The following RABGAP1L variants were observed in gnomAD, a reference collection of about 807,000 sequenced individuals.
The protein encoded by RABGAP1L is RAB GTPase activating protein 1 like.
Under a neutral mutation model 137.7 loss-of-function variants are expected in RABGAP1L, and 63 were observed. The ratio of observed to expected loss-of-function variants is 0.46; its 90% CI spans 0.37 to 0.56. RABGAP1L has a LOEUF of 0.56. Among genes scored for constraint, RABGAP1L ranks in the 20% least tolerant of loss-of-function variants. RABGAP1L has a pLI of 0.00. For missense variants in RABGAP1L, 1,095 were observed against 1,244.0 expected, an observed-to-expected ratio of 0.88 and a Z score of 1.80; for synonymous variants, 431 against 433.7, an observed-to-expected ratio of 0.99 and a Z score of 0.08.
At chr1:174,417,240 C>A (rs889286783) in intron 13 of RABGAP1L, among the ~76,000 whole-genome samples, 1 of 152,126 alleles carries the variant, frequency 6.6e-6, no homozygotes, top group Admixed American at 6.5e-5. Flanking sequence ...ATACTCTGAG[C>A]ATATTTTTAT....
At chr1:174,723,110 T>G (rs1235868945) in intron 17 of RABGAP1L, among the ~76,000 whole-genome samples, 1 of 152,152 alleles carries the variant, frequency 6.6e-6, no homozygotes, top group Non-Finnish European at 1.5e-5. Flanking sequence ...TTTTCGCTCT[T>G]GTTGCCCAGG....
intron 13 of RABGAP1L, among the ~76,000 whole-genome samples, chr1:174,500,286 G>A (rs187074577): frequency 7.9e-5 from 12 of 152,152 alleles, no homozygotes; most frequent in African/African-American, 2.6e-4. Context: ...TACCACATTG[G>A]CCAGGGTGGT....
At chr1:174,429,815 A>G (rs2149192458) in intron 13 of RABGAP1L, among the ~76,000 whole-genome samples, 1 of 152,260 alleles carries the variant, frequency 6.6e-6, no homozygotes, top group African/African-American at 2.4e-5. Context: ...CATAGAGGGT[A>G]TAAATAAAGC....
rs1179191960 is a variant in RABGAP1L at position 174,877,315 on chromosome 1, C to A, written c.2340+65355C>A. The A allele has an allele frequency of 4.0e-6, 5 of 1,254,192 alleles. No individual in the cohort carries two copies. The African/African-American group carries it at 6.0e-5, about 15-fold the overall frequency. 77.7% of individuals were successfully genotyped at this position (1,254,192 alleles called of 1,614,324 possible). A position where few individuals can be genotyped will look rare whatever the true frequency, so the allele number is the denominator to read the frequency against. ...ACTGGGGGTGAATTGCTAGCCAAGC[C>A]TGTGATAGCAGCCGCTTTTTTTTTC... On this transcript the variant is annotated intron_variant, in intron 19 of 25. Transcript: ENST00000681986.
chr1:174,200,048 G>A (rs1199530032), intron 1 of RABGAP1L, among the ~76,000 whole-genome samples: 2 of 152,158 alleles, frequency 1.3e-5, no homozygotes, highest in African/African-American at 4.8e-5. Context: ...TAAGATTTGA[G>A]ATTTTCGTAA....
chr1:174,369,406 G>GT (rs1460677553), intron 11 of RABGAP1L, among the ~76,000 whole-genome samples: 1 of 152,078 alleles, frequency 6.6e-6, no homozygotes, highest in Non-Finnish European at 1.5e-5. Context: ...GCCCAGGCTG[G>GT]TCTCAAACCC....
chr1:174,204,061 G>C (rs1285073379), intron 1 of RABGAP1L, among the ~76,000 whole-genome samples: 1 of 151,232 alleles, frequency 6.6e-6, no homozygotes, highest in Admixed American at 6.6e-5. Context: ...AAGTGTTCTT[G>C]TGTGTCAACC....
chr1:174,699,688 T>TGTTGA (rs1679506618), intron 16 of RABGAP1L, 38 bp downstream of exon 16: 2 of 1,545,296 alleles, frequency 1.3e-6, no homozygotes, highest in Non-Finnish European at 1.8e-6. Flanking sequence ...CTCAGGGATT[T>TGTTGA]GTTGAGTCAT....
chr1:174,611,715 A>T (rs1307301779), intron 13 of RABGAP1L, among the ~76,000 whole-genome samples: 1 of 151,490 alleles, frequency 6.6e-6, no homozygotes, highest in Non-Finnish European at 1.5e-5. Flanking sequence ...ATTTGTTTGT[A>T]TCCTCTTTTA....
chr1:174,308,647 T>C (rs1678531053), intron 11 of RABGAP1L, among the ~76,000 whole-genome samples: 1 of 152,116 alleles, frequency 6.6e-6, no homozygotes. Flanking sequence ...TCTTTCCCCA[T>C]TGTATGTTCT....
chr1:174,480,566 C>T (rs1658978570), intron 13 of RABGAP1L, among the ~76,000 whole-genome samples: 1 of 152,216 alleles, frequency 6.6e-6, no homozygotes, highest in African/African-American at 2.4e-5. Context: ...GAGCAAGCTT[C>T]TTTATGCTAT....
At chr1:174,873,109 C>G (rs970911191) in intron 19 of RABGAP1L, among the ~76,000 whole-genome samples, 9 of 152,268 alleles carry the variant, frequency 5.9e-5, no homozygotes, top group Middle Eastern at 3.4e-3. Flanking sequence ...TGCTCTGTCG[C>G]CCAGGCTGGA....
At chr1:174,693,935 C>A (rs1679058529) in intron 15 of RABGAP1L, among the ~76,000 whole-genome samples, 1 of 152,166 alleles carries the variant, frequency 6.6e-6, no homozygotes, top group African/African-American at 2.4e-5. Flanking sequence ...TACATATATT[C>A]AGTCTGCCCT....
Position 174,570,780 on chromosome 1 carries a change from A to G in RABGAP1L, c.1711-66595A>G, listed in dbSNP as rs139597536. 7.2e-3 allele frequency among the ~76,000 whole-genome samples: 1,091 copies of G among 152,324 alleles called. 11 individuals are homozygous for G. Among genetic ancestry groups the G allele is most frequent in the African/African-American group, 0.025 (1,040 of 41,580 alleles). On this transcript the variant is annotated intron_variant, in intron 13 of 25. Transcript: ENST00000681986. ...AAAAAGTCAGGCAATACCCAATGCT[A>G]GCAAGGATGTGGAGAAAAGAGAACC...
intron 17 of RABGAP1L, among the ~76,000 whole-genome samples, chr1:174,718,171 T>C (rs1308461532): frequency 1.3e-5 from 2 of 152,358 alleles, no homozygotes; most frequent in African/African-American, 2.4e-5. Flanking sequence ...TGCCCTGTGG[T>C]CTTCCTTCCT....
intron 11 of RABGAP1L, among the ~76,000 whole-genome samples, chr1:174,309,219 A>G (rs1054728639): frequency 6.6e-6 from 1 of 152,040 alleles, no homozygotes; most frequent in African/African-American, 2.4e-5. Context: ...GTATCCTGCA[A>G]CTTTACTGAA....
intron 18 of RABGAP1L, among the ~76,000 whole-genome samples, chr1:174,766,431 A>ACT (rs1419098030): frequency 6.6e-6 from 1 of 151,962 alleles, no homozygotes; most frequent in Non-Finnish European, 1.5e-5. Context: ...TTATTTCTGG[A>ACT]GTCTCTATTC....
chr1:174,955,512 A>G (rs1264804197), intron 19 of RABGAP1L, among the ~76,000 whole-genome samples: 6 of 152,218 alleles, frequency 3.9e-5, no homozygotes, highest in African/African-American at 9.6e-5. Context: ...TAATGAAAAT[A>G]AGGAAATTGT....
At chr1:174,549,716 G>C (rs1159998839) in intron 13 of RABGAP1L, among the ~76,000 whole-genome samples, 2 of 152,134 alleles carry the variant, frequency 1.3e-5, no homozygotes, top group Non-Finnish European at 1.5e-5. Flanking sequence ...CCTACAAATA[G>C]TATAGAAGAA....
Sources: allele counts gnomAD v4.1 joint callset (sites outside exome capture counted in the v4.1 genomes callset), GRCh38; gene constraint gnomAD v4.1.1; transcripts MANE v1.5; gene names NCBI Gene and HGNC (gene_info 2026-07-23, HGNC 2026-07-21).